NUP155: variants seen among roughly 807,000 people sequenced by gnomAD.
NUP155 encodes the protein nuclear pore complex protein Nup155.
A neutral mutation model predicts 180.4 loss-of-function variants in NUP155; 71 were observed. The ratio of observed to expected loss-of-function variants is 0.39; its 90% CI spans 0.33 to 0.48. NUP155 has a LOEUF of 0.48. Among genes scored for constraint, NUP155 ranks in the 20% least tolerant of loss-of-function variants. The pLI, the probability that NUP155 is intolerant of heterozygous loss-of-function variation, is 0.91. For synonymous variants in NUP155, 582 were observed against 559.5 expected, an observed-to-expected ratio of 1.04 and a Z score of -0.57; for missense variants, 1,553 against 1,648.9, an observed-to-expected ratio of 0.94 and a Z score of 1.01.
At chr5:37,350,931 C>T (rs924257080) in intron 6 of NUP155, among the ~76,000 whole-genome samples, 2 of 151,062 alleles carry the variant, frequency 1.3e-5, no homozygotes, top group African/African-American at 4.9e-5. Flanking sequence ...CACACAAACA[C>T]ATATGCATAG....
intron 3 of NUP155, among the ~76,000 whole-genome samples, chr5:37,360,504 G>C (rs1430422390): frequency 6.6e-6 from 1 of 151,454 alleles, no homozygotes; most frequent in Non-Finnish European, 1.5e-5. Context: ...AGCCAATGAA[G>C]GCCAAGTGCG....
rs753636675 is a variant in NUP155 at position 37,301,535 on chromosome 5, G to A, written c.3463C>T (p.Leu1155Phe). Residue 1155 changes from leucine (L) to phenylalanine (F), a missense_variant, in exon 30 of 35, where the codon CTT (leucine) becomes TTT (phenylalanine). Physicochemically the swap from Leu to Phe is conservative, Grantham distance 22. Transcript: ENST00000231498. ...EEKMEVARIQ[L>F]QIQETLQRQY... ...CTTTGTAGTGTCTCCTGTATCTGAA[G>A]TTGGATCCTAGCAACCTAGTTTGGG... 6.2e-7 allele frequency: 1 copy of A among 1,610,578 alleles called. No homozygotes were observed. Among genetic ancestry groups the A allele is most frequent in the Admixed American group, 1.7e-5 (1 of 60,002 alleles).
chr5:37,304,619 T>C (rs1743051509), intron 27 of NUP155, 120 bp downstream of exon 27: 1 of 752,160 alleles, frequency 1.3e-6, no homozygotes, highest in African/African-American at 1.7e-5. Context: ...AGCTTTATAC[T>C]AACATCTAAT....
chr5:37,334,351 TC>T (rs1204559905), intron 12 of NUP155, among the ~76,000 whole-genome samples: 2 of 151,692 alleles, frequency 1.3e-5, no homozygotes, highest in African/African-American at 4.9e-5. Flanking sequence ...AGTCTGCCCA[TC>T]TTGGCCTCTC....
At chr5:37,299,617 A>G in intron 30 of NUP155, 49 bp from the exon 31 acceptor site, 1 of 1,574,450 alleles carries the variant, frequency 6.4e-7, no homozygotes, top group Non-Finnish European at 8.7e-7. Flanking sequence ...ATCAACATTC[A>G]GAGATTAATA....
chr5:37,297,660 G>T (rs1477485485), intron 32 of NUP155, among the ~76,000 whole-genome samples: 3 of 152,012 alleles, frequency 2.0e-5, no homozygotes, highest in Admixed American at 2.0e-4. Context: ...GATTACACCT[G>T]TGAGCCACCA....
At chr5:37,370,137 G>A (rs1747865519) in intron 1 of NUP155, among the ~76,000 whole-genome samples, 1 of 152,174 alleles carries the variant, frequency 6.6e-6, no homozygotes, top group African/African-American at 2.4e-5. Flanking sequence ...TTGGGAGGCC[G>A]AGGCGGGCGG....
rs922063702 is a variant in NUP155 at position 37,362,185 on chromosome 5, T to C, written c.392+1703A>G. 1.3e-5 allele frequency among the ~76,000 whole-genome samples: 2 copies of C among 152,176 alleles called. 1 individual carries two copies. The highest frequency in any genetic ancestry group is 3.8e-4 in the East Asian group (2 of 5,202). ...GAGGGCAGAACTACATTCATCTCAT[T>C]CAGTACTGTTCCTACCACAACAACA... On this transcript the variant is annotated intron_variant, in intron 3 of 34. Coordinates refer to ENST00000231498, the MANE Select transcript of NUP155 (RefSeq NM_153485.3).
intron 4 of NUP155, among the ~76,000 whole-genome samples, chr5:37,355,283 G>A (rs977031923): frequency 5.9e-5 from 9 of 151,954 alleles, no homozygotes; most frequent in South Asian, 2.1e-4. Flanking sequence ...CAAGGTGGGC[G>A]GATCGCTTGA....
intron 1 of NUP155, among the ~76,000 whole-genome samples, chr5:37,367,821 T>C (rs990389539): frequency 1.3e-5 from 2 of 151,976 alleles, no homozygotes; most frequent in African/African-American, 4.8e-5. Flanking sequence ...TCTCCCTCTA[T>C]TGCCCTGGCT....
At chr5:37,346,677 CA>C (rs930870933) in intron 9 of NUP155, among the ~76,000 whole-genome samples, 4 of 145,154 alleles carry the variant, frequency 2.8e-5, no homozygotes, top group Non-Finnish European at 1.5e-5. Context: ...GTCTCGGAAA[CA>C]AAAAAAAAAG....
Position 37,369,157 on chromosome 5 carries a change from C to T in NUP155, c.157+1664G>A, listed in dbSNP as rs1323979322. Among the ~76,000 whole-genome samples the T allele has an allele frequency of 4.6e-5, 7 of 152,022 alleles. No individual in the cohort carries two copies. The East Asian group carries it at 7.8e-4, about 17-fold the overall frequency. On this transcript the variant is annotated intron_variant, in intron 1 of 34. Coordinates refer to ENST00000231498, the MANE Select transcript of NUP155 (RefSeq NM_153485.3). ...GTCCCAGCTACTGGGGAGGGCAAGG[C>T]GGGAGGACCACTTGAGCTCATGAGT...
intron 1 of NUP155, among the ~76,000 whole-genome samples, chr5:37,365,778 C>T (rs1401499019): frequency 1.7e-4 from 23 of 137,002 alleles, no homozygotes; most frequent in Non-Finnish European, 2.9e-4. Context: ...CACACACACA[C>T]ACACACACAC....
chr5:37,364,001 G>T lies in NUP155; in HGVS notation c.296-17C>A. Reference sequence around the variant, plus strand: ...ACTGCATATCTGAGGTAGTGTGGATGTAAGGCAGACAGAGGTGAATCTTAT... The same window carrying T: ...ACTGCATATCTGAGGTAGTGTGGATTTAAGGCAGACAGAGGTGAATCTTAT... On this transcript the variant is annotated splice_polypyrimidine_tract_variant and intron_variant, in intron 2 of 34. Coordinates refer to ENST00000231498, the MANE Select transcript of NUP155 (RefSeq NM_153485.3). The T allele has an allele frequency of 6.4e-7, 1 of 1,554,800 alleles. No homozygotes were observed.
chr5:37,349,533 C>G (rs1184670624), intron 7 of NUP155, among the ~76,000 whole-genome samples: 1 of 151,968 alleles, frequency 6.6e-6, no homozygotes, highest in Admixed American at 6.6e-5. Flanking sequence ...AAACTGAAAA[C>G]AAATTCTAAG....
chr5:37,299,429 C>T lies in NUP155; in HGVS notation c.3682+19G>A, dbSNP rs752117484. ...TCACTACATAACGTATGCTAACATA[C>T]CTATAACTGAACACTTACCTTTCTC... On this transcript the variant is annotated intron_variant, in intron 31 of 34. Transcript: ENST00000231498. 4 of 1,613,860 alleles carry T rather than the reference C, an allele frequency of 2.5e-6. No individual in the cohort carries two copies. The highest frequency in any genetic ancestry group is 3.4e-6 in the Non-Finnish European group (4 of 1,179,842).
Position 37,350,222 on chromosome 5 carries a change from T to C in NUP155, c.767A>G (p.His256Arg), listed in dbSNP as rs1202905650. 2 of 1,613,894 alleles carry C rather than the reference T, an allele frequency of 1.2e-6. No homozygotes were observed. Among genetic ancestry groups the C allele is most frequent in the Non-Finnish European group, 1.7e-6 (2 of 1,179,914 alleles). The change falls in exon 7 of 35, where the codon CAC (histidine) becomes CGC (arginine). Residue 256 changes from histidine to arginine, a missense_variant. Coordinates refer to ENST00000231498, the MANE Select transcript of NUP155 (RefSeq NM_153485.3). ...AAGGAAAGAAAGTGAGCTCTTTGAG[T>C]GGTTTATTTTCCTACATCTTTGGCT... Reference protein sequence around the residue: ...WFSQRCRKINHSKSSLSFLVP... With the variant: ...WFSQRCRKINRSKSSLSFLVP...
Position 37,364,334 on chromosome 5 carries a change from G to T in NUP155, c.208C>A (p.Pro70Thr). The change falls in exon 2 of 35, where the codon CCT becomes ACT. Residue 70 changes from proline (P) to threonine (T), a missense_variant. Pro to Thr is a conservative substitution (Grantham distance 38, BLOSUM62 -1). Transcript: ENST00000231498. ...MSDMDYPLQG[P>T]GLLSVPNLPE... ...AGGTTGGGTACGGACAGCAAACCAG[G>T]TCCTTGCAAAGGATAATCCATATCT... 6.2e-7 allele frequency: 1 copy of T among 1,610,860 alleles called. No individual in the cohort carries two copies. The highest frequency in any genetic ancestry group is 8.5e-7 in the Non-Finnish European group (1 of 1,177,080).
At chr5:37,357,950 G>A (rs1489069359) in intron 4 of NUP155, 131 bp downstream of exon 4, 2 of 666,472 alleles carry the variant, frequency 3.0e-6, no homozygotes, top group Admixed American at 2.1e-5. Flanking sequence ...CCAAGATTGC[G>A]CCACTGCACT....
Sources: allele counts gnomAD v4.1 joint callset (sites outside exome capture counted in the v4.1 genomes callset), GRCh38; gene constraint gnomAD v4.1.1; transcripts MANE v1.5; gene names NCBI Gene and HGNC (gene_info 2026-07-23, HGNC 2026-07-21).